ZNF543: variants seen among roughly 807,000 people sequenced by gnomAD.
ZNF543 encodes zinc finger protein 543.
Under a neutral mutation model 13.4 loss-of-function variants are expected in ZNF543, and 10 were observed. That is an observed-to-expected ratio of 0.75 (90% confidence interval 0.46 to 1.26). ZNF543 has a LOEUF of 1.26. ZNF543 is among the 50% of genes most tolerant of loss of function. The pLI, the probability that ZNF543 is intolerant of heterozygous loss-of-function variation, is 0.00. For synonymous variants in ZNF543, 272 were observed against 264.7 expected, an observed-to-expected ratio of 1.03 and a Z score of -0.27; for missense variants, 768 against 741.2, an observed-to-expected ratio of 1.04 and a Z score of -0.42.
At chr19:57,323,620 C>G in intron 1 of ZNF543, 62 bp from the exon 2 acceptor site, 1 of 1,594,984 alleles carries the variant, frequency 6.3e-7, no homozygotes, top group Non-Finnish European at 8.6e-7. Context: ...GCTGAAGTGA[C>G]AAGTTCTAGT....
At position 57,328,994 on chromosome 19, in the gene ZNF543, A is replaced by G. The variant is rs1184159905; in HGVS notation, c.1532A>G (p.Gln511Arg). ...HTGEKPYECIQCGKAFCRSAN... is the reference protein window; with the variant it reads ...HTGEKPYECIRCGKAFCRSAN... The stretch of plus-strand genomic sequence containing the variant: ...GGAGAGAAACCCTATGAATGCATCC[A>G]GTGTGGGAAAGCCTTTTGCCGGAGC... The change falls in exon 4 of 4, where the codon CAG (glutamine) becomes CGG (arginine). Residue 511 changes from glutamine (Q) to arginine (R), a missense_variant. Coordinates refer to ENST00000321545, the MANE Select transcript of ZNF543 (RefSeq NM_213598.4). The G allele has an allele frequency of 1.9e-6, 3 of 1,614,116 alleles. No individual in the cohort carries two copies. The highest frequency in any genetic ancestry group is 2.7e-5 in the African/African-American group (2 of 74,932).
Position 57,328,091 on chromosome 19 carries a change from A to G in ZNF543, c.629A>G (p.Lys210Arg). The G allele has an allele frequency of 6.2e-7, 1 of 1,614,280 alleles. No homozygotes were observed. The highest frequency in any genetic ancestry group is 2.2e-5 in the East Asian group (1 of 44,894). Residue 210 changes from lysine (K) to arginine (R), a missense_variant, in exon 4 of 4, where the codon AAG becomes AGG. Coordinates refer to ENST00000321545, the MANE Select transcript of ZNF543 (RefSeq NM_213598.4). ...GAGGAATGCGGGAAAGTGTTTAAAA[A>G]GAATGCCCTCCTTGTTCAGCATGAA... ...KCEECGKVFK[K>R]NALLVQHERI... is the part of the protein sequence containing the mutation.
At position 57,329,071 on chromosome 19, in the gene ZNF543, T is replaced by C. The variant is rs773423688; in HGVS notation, c.1609T>C (p.Cys537Arg). The C allele has an allele frequency of 1.2e-6, 2 of 1,614,216 alleles. No individual in the cohort carries two copies. Among genetic ancestry groups the C allele is most frequent in the African/African-American group, 1.3e-5 (1 of 75,056 alleles). Residue 537 changes from cysteine (C) to arginine (R), a missense_variant, in exon 4 of 4, where the codon TGC becomes CGC. Around this residue, in one of 3 missense-constraint regions of ZNF543, gnomAD observed 677 missense variants for 631.4 expected, o/e 1.07. Coordinates refer to ENST00000321545, the MANE Select transcript of ZNF543 (RefSeq NM_213598.4). ...TCACACTGGAGAGAAGCCGTATGAA[T>C]GCAGTGAGTGTGGAAAGGCTTTTAA... ...IIHTGEKPYECSECGKAFNRG... is the reference protein window; with the variant it reads ...IIHTGEKPYERSECGKAFNRG...
chr19:57,326,775 T>C, intron 3 of ZNF543, 47 bp downstream of exon 3: 8 of 1,484,832 alleles, frequency 5.4e-6, no homozygotes, highest in Non-Finnish European at 7.5e-6. Context: ...AGCTTACACA[T>C]GGAAAAGTGA....
chr19:57,323,414 G>A (rs1469349827), intron 1 of ZNF543, among the ~76,000 whole-genome samples: 6 of 151,832 alleles, frequency 4.0e-5, no homozygotes, highest in African/African-American at 7.3e-5. Flanking sequence ...GGATGGTCTC[G>A]ATCTCCTGAC....
At chr19:57,324,598 T>C (rs2088110424) in intron 2 of ZNF543, among the ~76,000 whole-genome samples, 1 of 152,218 alleles carries the variant, frequency 6.6e-6, no homozygotes, top group African/African-American at 2.4e-5. Context: ...CCAGATGCTT[T>C]TGATGACTAG....
In ZNF543 at chr19:57,326,729, G is replaced by C; in HGVS notation, c.241+1G>C. 2.5e-6 allele frequency: 4 copies of C among 1,612,274 alleles called. No homozygotes were observed. The highest frequency in any genetic ancestry group is 3.4e-6 in the Non-Finnish European group (4 of 1,178,884). ...GACCTCTCCCAAAGCTCCTATCCAGGTAGGAGCCAACAGCTGGGAAGGTGG... is the reference window on the plus strand; with the variant it reads ...GACCTCTCCCAAAGCTCCTATCCAGCTAGGAGCCAACAGCTGGGAAGGTGG... On this transcript the variant is annotated splice_donor_variant, in intron 3 of 3. Transcript: ENST00000321545. LOFTEE classifies it high-confidence loss of function.
At position 57,326,672 on chromosome 19, in the gene ZNF543, A is replaced by C. The variant is rs1287180395; in HGVS notation, c.185A>C (p.Asp62Ala). 3.7e-6 allele frequency: 6 copies of C among 1,614,084 alleles called. 1 individual carries two copies. The South Asian group carries it at 6.6e-5, about 18-fold the overall frequency. Reference sequence around the variant, plus strand: ...AAACCAGAGCTGATCTACCAGTTGGATCACAGACAGGAGCTATGGATGGCT... The same window carrying C: ...AAACCAGAGCTGATCTACCAGTTGGCTCACAGACAGGAGCTATGGATGGCT... ...LFKPELIYQL[D>A]HRQELWMATK... is the part of the protein sequence containing the mutation. Residue 62 changes from aspartate to alanine, a missense_variant, in exon 3 of 4, where the codon GAT becomes GCT. By Grantham distance (126) the Asp-to-Ala change is moderately radical (BLOSUM62 -2). Around this residue, in one of 3 missense-constraint regions of ZNF543, gnomAD observed 77 missense variants for 75.5 expected, o/e 1.02. Coordinates refer to ENST00000321545, the MANE Select transcript of ZNF543 (RefSeq NM_213598.4).
chr19:57,328,192 C>G lies in ZNF543; in HGVS notation c.730C>G (p.Gln244Glu), dbSNP rs889052596. Residue 244 changes from glutamine to glutamate, a missense_variant, in exon 4 of 4, where the codon CAG becomes GAG. Physicochemically the swap from Gln to Glu is conservative, Grantham distance 29 (BLOSUM62 2). Coordinates refer to ENST00000321545, the MANE Select transcript of ZNF543 (RefSeq NM_213598.4). ...CTTTAGCAAGAGCACTCATCTTCTT[C>G]AGCACCTCATCATCCACACTGGGGA... ...KTFSKSTHLL[Q>E]HLIIHTGEKP... 6.2e-7 allele frequency: 1 copy of G among 1,613,352 alleles called. No individual in the cohort carries two copies. The highest frequency in any genetic ancestry group is 8.5e-7 in the Non-Finnish European group (1 of 1,179,370).
At chr19:57,327,077 G>C (rs963549295) in intron 3 of ZNF543, among the ~76,000 whole-genome samples, 9 of 151,942 alleles carry the variant, frequency 5.9e-5, no homozygotes, top group African/African-American at 2.2e-4. Context: ...ATGTTGCTGA[G>C]GCTGGTCTCA....
At chr19:57,326,752 T>TGG in intron 3 of ZNF543, 24 bp downstream of exon 3, 1 of 1,589,996 alleles carries the variant, frequency 6.3e-7, no homozygotes, top group Non-Finnish European at 8.6e-7. Context: ...GCTGGGAAGG[T>TGG]GGGGGTCATG....
At position 57,320,542 on chromosome 19, in the gene ZNF543, G is replaced by C. The variant is rs751494496; in HGVS notation, c.-312G>C. ...GTGGGGCCTGGACCGCTGGGTAGGC[G>C]CGTCCAGCGGCCTGAGCAGGGGAGG... On this transcript the variant is annotated 5_prime_UTR_variant, in exon 1 of 4. Coordinates refer to ENST00000321545, the MANE Select transcript of ZNF543 (RefSeq NM_213598.4). 1 of 369,450 alleles carries C rather than the reference G, an allele frequency of 2.7e-6. No individual in the cohort carries two copies. The highest frequency in any genetic ancestry group is 5.0e-6 in the Non-Finnish European group (1 of 199,600). The allele number at this position is 369,450 out of a possible 1,614,324, so 22.9% of individuals were successfully genotyped here.
intron 3 of ZNF543, among the ~76,000 whole-genome samples, 161 bp downstream of exon 3, chr19:57,326,889 A>G (rs1488451434): frequency 2.3e-5 from 2 of 85,354 alleles, no homozygotes; most frequent in Non-Finnish European, 4.3e-5. Flanking sequence ...CCGCCTTCAG[A>G]CAGGGTTTCA....
intron 2 of ZNF543, among the ~76,000 whole-genome samples, chr19:57,324,719 A>G (rs547116659): frequency 1.3e-5 from 2 of 152,290 alleles, no homozygotes; most frequent in East Asian, 3.9e-4. Flanking sequence ...TGATTGCAGT[A>G]CATTCTTAAT....
At chr19:57,326,605 T>C (rs753356841) in intron 2 of ZNF543, 28 bp from the exon 3 acceptor site, 24 of 1,578,946 alleles carry the variant, frequency 1.5e-5, no homozygotes, top group Non-Finnish European at 1.1e-5. Context: ...CCTAACTCCC[T>C]GTGTCCTCTT....
Position 57,323,786 on chromosome 19 carries a change from C to T in ZNF543, c.123C>T (p.Thr41=), listed in dbSNP as rs748949752. 1.9e-6 allele frequency: 3 copies of T among 1,613,128 alleles called. No individual in the cohort carries two copies. Among genetic ancestry groups the T allele is most frequent in the South Asian group, 1.1e-5 (1 of 91,070 alleles). ...TGTATCAGGAGGTGATGCTGGAGAC[C>T]TGCGGACTTCTCATGTCTCTGGGTA... ...RTLYQEVMLE[T]CGLLMSLGCP... is the part of the protein sequence containing the mutation. The change falls in exon 2 of 4, where the codon ACC becomes ACT. Residue 41 remains threonine, a synonymous_variant. Coordinates refer to ENST00000321545, the MANE Select transcript of ZNF543 (RefSeq NM_213598.4).
chr19:57,328,402 A>T lies in ZNF543; in HGVS notation c.940A>T (p.Lys314Ter). Residue 314 changes from lysine to a stop codon, truncating the protein, a stop_gained, in exon 4 of 4, where the codon AAA becomes TAA. Coordinates refer to ENST00000321545, the MANE Select transcript of ZNF543 (RefSeq NM_213598.4). LOFTEE classifies it low-confidence loss of function (END_TRUNC). ...CACTGGAGAAAAACCCTTTGTGTGC[A>T]AAGAGTGTGGCAAAGCCTTTCGAGA... ...SHTGEKPFVC[K>*]ECGKAFRDRP... The T allele has an allele frequency of 6.2e-7, 1 of 1,613,740 alleles. No individual in the cohort carries two copies. The highest frequency in any genetic ancestry group is 1.1e-5 in the South Asian group (1 of 91,068).
intron 2 of ZNF543, among the ~76,000 whole-genome samples, chr19:57,324,412 C>T (rs1160264624): frequency 2.7e-5 from 4 of 150,068 alleles, no homozygotes; most frequent in Non-Finnish European, 5.9e-5. Flanking sequence ...AGTGTGAGGG[C>T]AAATGGTTCA....
chr19:57,320,768 A>G lies in ZNF543; in HGVS notation c.-86A>G. ...AGGCTCCGAGTGCGAAAGTCAGCCG[A>G]GGTCGCCCCGCCCAGGACAGAGAAG... On this transcript the variant is annotated 5_prime_UTR_variant, in exon 1 of 4. Coordinates refer to ENST00000321545, the MANE Select transcript of ZNF543 (RefSeq NM_213598.4). 6.5e-7 allele frequency: 1 copy of G among 1,545,254 alleles called. No homozygotes were observed. The highest frequency in any genetic ancestry group is 2.4e-5 in the East Asian group (1 of 42,292).
Sources: allele counts gnomAD v4.1 joint callset (sites outside exome capture counted in the v4.1 genomes callset), GRCh38; gene constraint gnomAD v4.1.1; regional missense constraint gnomAD v4.1.1; transcripts MANE v1.5; gene names NCBI Gene and HGNC (gene_info 2026-07-23, HGNC 2026-07-21).